Variants in LMBR1 observed in about 807,000 individuals in gnomAD.
LMBR1 encodes limb development membrane protein 1.
A neutral mutation model predicts 73.9 loss-of-function variants in LMBR1; 52 were observed. The ratio of observed to expected loss-of-function variants is 0.70; its 90% CI spans 0.56 to 0.89. The LOEUF is 0.89. Among genes scored for constraint, LMBR1 ranks in the 40% least tolerant of loss-of-function variants. The probability of loss-of-function intolerance (pLI) is 0.00; values close to 1 mark genes in which losing one functional copy is unlikely to be tolerated. For synonymous variants in LMBR1, 215 were observed against 209.4 expected, an observed-to-expected ratio of 1.03 and a Z score of -0.23; for missense variants, 539 against 579.8, an observed-to-expected ratio of 0.93 and a Z score of 0.72.
intron 8 of LMBR1, among the ~76,000 whole-genome samples, chr7:156,761,412 T>C (rs1822964903): frequency 6.6e-6 from 1 of 152,192 alleles, no homozygotes; most frequent in African/African-American, 2.4e-5. Context: ...AAAGGTAAAG[T>C]ATGCTTCAAT....
At chr7:156,740,261 C>T (rs763235323) in intron 9 of LMBR1, among the ~76,000 whole-genome samples, 4 of 151,714 alleles carry the variant, frequency 2.6e-5, no homozygotes, top group Non-Finnish European at 4.4e-5. Context: ...TAGAAAATAG[C>T]CTAAAAGGAG....
At chr7:156,743,118 T>A (rs745593210) in intron 9 of LMBR1, among the ~76,000 whole-genome samples, 1 of 152,154 alleles carries the variant, frequency 6.6e-6, no homozygotes, top group Non-Finnish European at 1.5e-5. Context: ...CAAACCATTA[T>A]ATAAACAGGA....
At chr7:156,722,075 T>TA (rs1340519266) in intron 15 of LMBR1, among the ~76,000 whole-genome samples, 7 of 152,014 alleles carry the variant, frequency 4.6e-5, no homozygotes, top group African/African-American at 1.7e-4. Flanking sequence ...TATTCTTCAC[T>TA]AAAAAAACTG....
chr7:156,704,302 C>A (rs1356440620), intron 15 of LMBR1, among the ~76,000 whole-genome samples: 5 of 152,124 alleles, frequency 3.3e-5, no homozygotes, highest in Non-Finnish European at 7.4e-5. Context: ...CAATAACCGC[C>A]CCATAACACC....
chr7:156,825,513 A>G (rs1835522225), intron 4 of LMBR1, among the ~76,000 whole-genome samples: 1 of 152,218 alleles, frequency 6.6e-6, no homozygotes, highest in South Asian at 2.1e-4. Flanking sequence ...TTTGCATTGC[A>G]TGCCTTTAAT....
intron 8 of LMBR1, among the ~76,000 whole-genome samples, chr7:156,758,314 C>T (rs1822287216): frequency 6.6e-6 from 1 of 152,220 alleles, no homozygotes; most frequent in Non-Finnish European, 1.5e-5. Flanking sequence ...ACAGTTTTTA[C>T]ATAAGGTCTA....
At chr7:156,763,604 T>C in intron 6 of LMBR1, 65 bp downstream of exon 6, 2 of 1,355,342 alleles carry the variant, frequency 1.5e-6, no homozygotes, top group Non-Finnish European at 2.0e-6. Context: ...TAAAATTGAG[T>C]GTGTAATTAT....
intron 15 of LMBR1, among the ~76,000 whole-genome samples, chr7:156,694,493 A>G (rs1410007743): frequency 6.6e-6 from 1 of 152,186 alleles, no homozygotes; most frequent in East Asian, 1.9e-4. Context: ...AAGAAACTGA[A>G]AGCTTCTAAG....
At chr7:156,824,824 G>A (rs1835393801) in intron 4 of LMBR1, among the ~76,000 whole-genome samples, 1 of 150,594 alleles carries the variant, frequency 6.6e-6, no homozygotes, top group African/African-American at 2.4e-5. Context: ...TAGGCTAGGC[G>A]ACAGAGCGAG....
rs966589472 is a variant in LMBR1 at position 156,763,043 on chromosome 7, C to T, written c.619+65G>A. 13 of 840,860 alleles carry T rather than the reference C, an allele frequency of 1.5e-5. No homozygotes were observed. In the South Asian group the frequency reaches 1.8e-4, roughly 12 times the overall value. 52.1% of individuals were successfully genotyped at this position (840,860 alleles called of 1,614,324 possible). A position where few individuals can be genotyped will look rare whatever the true frequency, so the allele number is the denominator to read the frequency against. Reference sequence around the variant, plus strand: ...TTAAGAAATCTCATCAGAAAACTTCCCTGAATTTTCCAGAATAAGGACAAC... The same window carrying T: ...TTAAGAAATCTCATCAGAAAACTTCTCTGAATTTTCCAGAATAAGGACAAC... On this transcript the variant is annotated intron_variant, in intron 7 of 16. Coordinates refer to ENST00000353442, the MANE Select transcript of LMBR1 (RefSeq NM_022458.4).
chr7:156,782,848 T>C (rs1035616709), intron 5 of LMBR1, among the ~76,000 whole-genome samples: 4 of 152,144 alleles, frequency 2.6e-5, no homozygotes, highest in African/African-American at 7.2e-5. Flanking sequence ...CCTAGCCTCA[T>C]TGTAGTTTTG....
chr7:156,877,635 G>A (rs1800381318), intron 1 of LMBR1, among the ~76,000 whole-genome samples: 1 of 152,174 alleles, frequency 6.6e-6, no homozygotes, highest in Non-Finnish European at 1.5e-5. Flanking sequence ...TGTAATCCCA[G>A]CACGTTGGGA....
intron 3 of LMBR1, among the ~76,000 whole-genome samples, chr7:156,828,354 A>G (rs1836067671): frequency 6.6e-6 from 1 of 152,214 alleles, no homozygotes; most frequent in East Asian, 1.9e-4. Flanking sequence ...GACCCTAAAC[A>G]TCATTTGCCC....
rs1471601021 is a variant in LMBR1 at position 156,685,454 on chromosome 7, C to T, written c.1388-1291G>A. ...GTATCTATACACCCAGAGGGCACAG[C>T]CATGCCATCCCTAGGCTGCAGGGTG... On this transcript the variant is annotated intron_variant, in intron 16 of 16. Transcript: ENST00000353442. The surrounding 1 kb of genome is among the most constrained non-coding windows in gnomAD (Gnocchi z 4.1). 6.6e-6 allele frequency among the ~76,000 whole-genome samples: 1 copy of T among 152,250 alleles called. No individual in the cohort carries two copies. The highest frequency in any genetic ancestry group is 6.5e-5 in the Admixed American group (1 of 15,288).
At chr7:156,866,497 T>C (rs1798475717) in intron 1 of LMBR1, among the ~76,000 whole-genome samples, 1 of 151,162 alleles carries the variant, frequency 6.6e-6, no homozygotes, top group South Asian at 2.1e-4. Flanking sequence ...AATGCTGAAA[T>C]CCATGAGGAA....
intron 9 of LMBR1, among the ~76,000 whole-genome samples, chr7:156,751,346 G>A (rs1442100522): frequency 2.0e-5 from 3 of 152,198 alleles, no homozygotes; most frequent in Non-Finnish European, 2.9e-5. Context: ...ACCTGGAAGA[G>A]AGAAGGTGGA....
chr7:156,788,884 T>C (rs936476775), intron 5 of LMBR1, among the ~76,000 whole-genome samples: 17 of 151,864 alleles, frequency 1.1e-4, no homozygotes, highest in Non-Finnish European at 8.8e-5. Context: ...CTCGTCTCTA[T>C]TAAAAATACA....
At chr7:156,862,126 A>G (rs965742287) in intron 1 of LMBR1, among the ~76,000 whole-genome samples, 4 of 152,200 alleles carry the variant, frequency 2.6e-5, no homozygotes, top group Admixed American at 1.3e-4. Context: ...GGCAATTTAC[A>G]AAAGAAAGAG....
chr7:156,874,406 G>A lies in LMBR1; in HGVS notation c.66+18522C>T, dbSNP rs149407829. On this transcript the variant is annotated intron_variant, in intron 1 of 16. Coordinates refer to ENST00000353442, the MANE Select transcript of LMBR1 (RefSeq NM_022458.4). ...TCTCCCTCCACACCTCCCCGCAAGC[G>A]AGGGAGTGGGCTCCAGCCTCGGCCC... Among the ~76,000 whole-genome samples the A allele has an allele frequency of 1.1e-3, 174 of 152,344 alleles. 1 individual carries two copies. The East Asian group carries it at 0.029, about 25-fold the overall frequency.
Sources: gnomAD v4.1 joint callset for allele counts (sites outside exome capture counted in the v4.1 genomes callset) on GRCh38, gnomAD v4.1.1 for gene constraint, Gnocchi (gnomAD v3.1) non-coding constraint, MANE v1.5 for transcripts, NCBI Gene and HGNC (gene_info 2026-07-23, HGNC 2026-07-21) for gene names.